Variants in AQP8 observed in about 807,000 individuals in gnomAD.
AQP8 encodes aquaporin 8.
AQP8 carries 14 observed loss-of-function variants against 26.1 expected under a neutral mutation model. The ratio of observed to expected loss-of-function variants is 0.54; its 90% CI spans 0.35 to 0.84. The LOEUF (loss-of-function observed/expected upper bound fraction) is 0.84. Among genes scored for constraint, AQP8 ranks in the 40% least tolerant of loss-of-function variants. AQP8 has a pLI of 0.01. For missense variants in AQP8, 301 were observed against 340.5 expected (o/e 0.88, Z 0.91); for synonymous variants, 131 against 150.7 (o/e 0.87, Z 0.96).
intron 2 of AQP8, among the ~76,000 whole-genome samples, chr16:25,218,894 C>T (rs1567342996): frequency 6.6e-6 from 1 of 151,058 alleles, no homozygotes; most frequent in East Asian, 1.9e-4. Context: ...AACAAACAAA[C>T]AAACAAACAA....
chr16:25,223,420 C>T (rs1962589905), intron 3 of AQP8, among the ~76,000 whole-genome samples: 1 of 152,250 alleles, frequency 6.6e-6, no homozygotes. Context: ...GTATTTTTAG[C>T]CACGCATGGC....
rs542600138 is a variant in AQP8 at position 25,220,045 on chromosome 16, A to C, written c.261-1412A>C. 7.7e-4 allele frequency among the ~76,000 whole-genome samples: 116 copies of C among 149,962 alleles called. 2 individuals are homozygous for C. The highest frequency in any genetic ancestry group is 2.3e-3 in the African/African-American group (94 of 40,026). The stretch of plus-strand genomic sequence containing the variant: ...GGGAGACCCTGTCTCAAAAAAAAAA[A>C]CAAAAAACAAAAAACAAATCAAATC... On this transcript the variant is annotated intron_variant, in intron 2 of 5. Coordinates refer to ENST00000219660, the MANE Select transcript of AQP8 (RefSeq NM_001169.3).
intron 2 of AQP8, among the ~76,000 whole-genome samples, chr16:25,220,772 C>T (rs1273092298): frequency 2.0e-5 from 3 of 152,188 alleles, no homozygotes; most frequent in African/African-American, 4.8e-5. Context: ...AGACCCGGGC[C>T]GGGCACGGTA....
chr16:25,224,251 T>G (rs1401600329), intron 3 of AQP8, 111 bp from the exon 4 acceptor site: 1 of 996,790 alleles, frequency 1.0e-6, no homozygotes, highest in Non-Finnish European at 1.5e-6. Flanking sequence ...AAATTGGACA[T>G]AACCCTTCAC....
At chr16:25,221,990 A>G (rs1420033268) in intron 3 of AQP8, among the ~76,000 whole-genome samples, 1 of 152,014 alleles carries the variant, frequency 6.6e-6, no homozygotes, top group Non-Finnish European at 1.5e-5. Context: ...CTGGTCTTGA[A>G]CTACTGAGCT....
In AQP8 at chr16:25,221,595, C is replaced by A. The variant is rs1962563461; in HGVS notation, c.387+12C>A. On this transcript the variant is annotated intron_variant, in intron 3 of 5. Transcript: ENST00000219660. ...CTGCCTTGGCCAAGGTGGGTAAACC[C>A]CAGGGGCTGGGCTAGTCTTCCTCTC... The A allele has an allele frequency of 6.2e-7, 1 of 1,613,740 alleles. No homozygotes were observed. Among genetic ancestry groups the A allele is most frequent in the South Asian group, 1.1e-5 (1 of 91,082 alleles).
intron 3 of AQP8, 102 bp from the exon 4 acceptor site, chr16:25,224,260 A>G (rs1330862567): frequency 9.2e-7 from 1 of 1,081,164 alleles, no homozygotes; most frequent in African/African-American, 1.6e-5. Flanking sequence ...ATAACCCTTC[A>G]CTGGCTCTTA....
intron 3 of AQP8, among the ~76,000 whole-genome samples, 170 bp from the exon 4 acceptor site, chr16:25,224,192 A>T (rs1013161272): frequency 1.3e-5 from 2 of 152,250 alleles, no homozygotes; most frequent in Non-Finnish European, 2.9e-5. Flanking sequence ...GCAGGGTCGC[A>T]CAGTAAAATC....
chr16:25,219,505 G>A (rs1962530103), intron 2 of AQP8, among the ~76,000 whole-genome samples: 1 of 151,452 alleles, frequency 6.6e-6, no homozygotes, highest in Non-Finnish European at 1.5e-5. Flanking sequence ...TGTCTTGATT[G>A]TTTTATTGCT....
At chr16:25,217,574 G>A (rs1962505443) in intron 2 of AQP8, 129 bp downstream of exon 2, 2 of 1,318,450 alleles carry the variant, frequency 1.5e-6, no homozygotes. Context: ...GATAACTATG[G>A]GGTTGGGAGT....
intron 3 of AQP8, among the ~76,000 whole-genome samples, chr16:25,224,096 G>A (rs189145139): frequency 2.6e-5 from 4 of 152,288 alleles, no homozygotes; most frequent in African/African-American, 9.6e-5. Flanking sequence ...CAAAGTGCTG[G>A]GGTTGCTGGC....
At chr16:25,228,382 C>T (rs1962662676) in intron 5 of AQP8, 62 bp from the exon 6 acceptor site, 2 of 1,536,082 alleles carry the variant, frequency 1.3e-6, no homozygotes, top group Admixed American at 1.7e-5. Flanking sequence ...AGCCTGGAGA[C>T]ATGACGAAGG....
Position 25,227,173 on chromosome 16 carries a change from G to A in AQP8, c.708G>A (p.Leu236=). The A allele has an allele frequency of 6.2e-7, 1 of 1,614,150 alleles. No individual in the cohort carries two copies. Among genetic ancestry groups the A allele is most frequent in the Non-Finnish European group, 8.5e-7 (1 of 1,180,032 alleles). Residue 236 remains leucine (L), a synonymous_variant, in exon 5 of 6, where the codon CTG becomes CTA. Coordinates refer to ENST00000219660, the MANE Select transcript of AQP8 (RefSeq NM_001169.3). ...GGATCTACTGGCTGGGCCCACTCCT[G>A]GCTGGCCTGCTTGTTGGACTGCTCA... ...FHWIYWLGPL[L]AGLLVGLLIR... is the part of the protein sequence containing the mutation.
At chr16:25,224,642 A>C in intron 4 of AQP8, 66 bp downstream of exon 4, 1 of 1,498,458 alleles carries the variant, frequency 6.7e-7, no homozygotes, top group Non-Finnish European at 9.1e-7. Context: ...GGGGGATTTC[A>C]GGCCTGAGGG....
At position 25,217,321 on chromosome 16, in the gene AQP8, G is replaced by T; in HGVS notation, c.136G>T (p.Ala46Ser). 1 of 1,614,188 alleles carries T rather than the reference G, an allele frequency of 6.2e-7. No homozygotes were observed. ...QPCLVELLGS[A>S]LFIFIGCLSV... Reference sequence around the variant, plus strand: ...ATGTCTGGTCGAACTGCTGGGCTCTGCTCTCTTCATCTTCATCGGGTGCCT... The same window carrying T: ...ATGTCTGGTCGAACTGCTGGGCTCTTCTCTCTTCATCTTCATCGGGTGCCT... Residue 46 changes from alanine (A) to serine (S), a missense_variant, in exon 2 of 6, where the codon GCT (alanine) becomes TCT (serine). Physicochemically the swap from Ala to Ser is moderately conservative, Grantham distance 99. Transcript: ENST00000219660.
chr16:25,228,524 G>C lies in AQP8; in HGVS notation c.*32G>C. 1 of 1,612,652 alleles carries C rather than the reference G, an allele frequency of 6.2e-7. No individual in the cohort carries two copies. Among genetic ancestry groups the C allele is most frequent in the Non-Finnish European group, 8.5e-7 (1 of 1,178,766 alleles). On this transcript the variant is annotated 3_prime_UTR_variant, in exon 6 of 6. Coordinates refer to ENST00000219660, the MANE Select transcript of AQP8 (RefSeq NM_001169.3). ...GCTCGTGGGATTCCTGCTGCTCCAG[G>C]TGTCCTCAGCTCACCTGTCCCAGAC...
In AQP8 at chr16:25,217,426, G is replaced by A; in HGVS notation, c.241G>A (p.Ala81Thr). 8 of 1,614,152 alleles carry A rather than the reference G, an allele frequency of 5.0e-6. No individual in the cohort carries two copies. Among genetic ancestry groups the A allele is most frequent in the Non-Finnish European group, 6.8e-6 (8 of 1,180,014 alleles). The change falls in exon 2 of 6, where the codon GCC becomes ACC. Residue 81 changes from alanine (A) to threonine (T), a missense_variant. Ala to Thr is a moderately conservative substitution (Grantham distance 58, BLOSUM62 0). Transcript: ENST00000219660. ...CGGGCTGGCTTTGGGGCTCGTGATT[G>A]CCACGCTGGGGAATATCAGGTGAGA... ...AHGLALGLVIATLGNISGGHF... is the reference protein window; with the variant it reads ...AHGLALGLVITTLGNISGGHF...
At chr16:25,227,735 G>A (rs1440310852) in intron 5 of AQP8, among the ~76,000 whole-genome samples, 2 of 151,684 alleles carry the variant, frequency 1.3e-5, no homozygotes, top group African/African-American at 2.4e-5. Context: ...TGATCCACCT[G>A]CCTGGGCCTC....
intron 3 of AQP8, among the ~76,000 whole-genome samples, chr16:25,223,549 A>T (rs201838510): frequency 2.9e-4 from 7 of 24,506 alleles, no homozygotes; most frequent in South Asian, 9.6e-4. Context: ...AAAAAATTTT[A>T]AAAAAAACAT....
Sources: gnomAD v4.1 joint callset for allele counts (sites outside exome capture counted in the v4.1 genomes callset) on GRCh38, gnomAD v4.1.1 for gene constraint, MANE v1.5 for transcripts, NCBI Gene and HGNC (gene_info 2026-07-23, HGNC 2026-07-21) for gene names.